ABHD3: variants seen among roughly 807,000 people sequenced by gnomAD.
ABHD3 encodes phospholipase ABHD3.
ABHD3 carries 46 observed loss-of-function variants against 48.8 expected under a neutral mutation model. That is an observed-to-expected ratio of 0.94 (90% CI 0.74 to 1.20). ABHD3 has a LOEUF of 1.20. Ranked by LOEUF, ABHD3 falls within the 50% of genes most tolerant of loss-of-function variation. The pLI is 0.00. For synonymous variants in ABHD3, 192 were observed against 183.7 expected (o/e 1.04, Z -0.36); for missense variants, 490 against 497.8 (o/e 0.98, Z 0.15).
Position 21,702,417 on chromosome 18 carries a change from G to C in ABHD3, c.408C>G (p.Ala136=), listed in dbSNP as rs1205776076. The C allele has an allele frequency of 6.8e-6, 11 of 1,613,942 alleles. No homozygotes were observed. Among genetic ancestry groups the C allele is most frequent in the African/African-American group, 1.3e-5 (1 of 75,028 alleles). ...ACAATAAGATAGTAGGTCTGGTGCT[G>C]GCATCCATATAACACGTACTGTTAT... ...DNDNSTCYMD[A]STRPTILLLP... is the part of the protein sequence containing the mutation. The change falls in exon 3 of 9, where the codon GCC becomes GCG. Residue 136 remains alanine, a synonymous_variant. Coordinates refer to ENST00000289119, the MANE Select transcript of ABHD3 (RefSeq NM_138340.5).
At chr18:21,682,431 G>A (rs533159216) in intron 4 of ABHD3, 1 of 152,302 alleles carries the variant, frequency 6.6e-6, no homozygotes, top group African/African-American at 2.4e-5. Context: ...ACCTCCCCCA[G>A]GCGCTTTGTT....
intron 3 of ABHD3, 133 bp from the exon 4 acceptor site, chr18:21,684,098 T>G: frequency 1.4e-6 from 1 of 731,658 alleles, no homozygotes; most frequent in Non-Finnish European, 2.1e-6. Flanking sequence ...GTTGTAATGT[T>G]TGGCAATTTC....
intron 8 of ABHD3, among the ~76,000 whole-genome samples, chr18:21,652,505 G>T (rs762034848): frequency 3.3e-5 from 5 of 152,166 alleles, no homozygotes; most frequent in Non-Finnish European, 7.4e-5. Context: ...GGCCAGGTGT[G>T]GTGGCTCATG....
chr18:21,670,130 G>A (rs1361145033), intron 4 of ABHD3, among the ~76,000 whole-genome samples: 1 of 152,156 alleles, frequency 6.6e-6, no homozygotes, highest in East Asian at 1.9e-4. Context: ...TTTAGCCACT[G>A]GTTGAAGCCT....
chr18:21,657,188 T>C, intron 6 of ABHD3, 36 bp from the exon 7 acceptor site: 2 of 1,564,044 alleles, frequency 1.3e-6, no homozygotes, highest in Non-Finnish European at 1.7e-6. Flanking sequence ...AAAATCAAGA[T>C]CATTCCTACT....
intron 4 of ABHD3, among the ~76,000 whole-genome samples, chr18:21,671,672 C>G (rs2039760448): frequency 6.6e-6 from 1 of 152,166 alleles, no homozygotes; most frequent in Non-Finnish European, 1.5e-5. Context: ...AAAGATATAT[C>G]ACTTCCAGCA....
chr18:21,656,921 A>G lies in ABHD3; in HGVS notation c.997T>C (p.Ser333Pro). ...TDASPSPRLK[S>P]VGIPVLCLNS... ...AGACACAATACTGGAATTCCTACTGACTTCAGTCTAGGACTCGGACTGGCA... is the reference window on the plus strand; with the variant it reads ...AGACACAATACTGGAATTCCTACTGGCTTCAGTCTAGGACTCGGACTGGCA... The change falls in exon 8 of 9, where the codon TCA (serine) becomes CCA (proline). Residue 333 changes from serine (S) to proline (P), a missense_variant. Ser to Pro is a moderately conservative substitution (Grantham distance 74). Coordinates refer to ENST00000289119, the MANE Select transcript of ABHD3 (RefSeq NM_138340.5). 6.2e-7 allele frequency: 1 copy of G among 1,613,800 alleles called. No individual in the cohort carries two copies. The highest frequency in any genetic ancestry group is 8.5e-7 in the Non-Finnish European group (1 of 1,179,778).
At chr18:21,690,140 T>C (rs2040215421) in intron 3 of ABHD3, among the ~76,000 whole-genome samples, 1 of 149,602 alleles carries the variant, frequency 6.7e-6, no homozygotes, top group Admixed American at 6.7e-5. Flanking sequence ...AAAAAGAAAA[T>C]CTCAGCATAA....
At position 21,690,367 on chromosome 18, in the gene ABHD3, C is replaced by T. The variant is rs992680364; in HGVS notation, c.510-6402G>A. Among the ~76,000 whole-genome samples, 7 of 152,080 alleles carry T rather than the reference C, an allele frequency of 4.6e-5. 1 individual carries two copies. In the East Asian group the frequency reaches 7.7e-4, roughly 17 times the overall value. On this transcript the variant is annotated intron_variant, in intron 3 of 8. Coordinates refer to ENST00000289119, the MANE Select transcript of ABHD3 (RefSeq NM_138340.5). Reference sequence around the variant, plus strand: ...CTGTAATTACAGCACTTCGGGAGGCCGGGGCAGGCAAATCACTTGAGGTCA... The same window carrying T: ...CTGTAATTACAGCACTTCGGGAGGCTGGGGCAGGCAAATCACTTGAGGTCA...
At chr18:21,671,528 AAC>A (rs2039757194) in intron 4 of ABHD3, among the ~76,000 whole-genome samples, 1 of 152,136 alleles carries the variant, frequency 6.6e-6, no homozygotes, top group Non-Finnish European at 1.5e-5. Flanking sequence ...CTAGTAATGC[AAC>A]TGGCAGCTAT....
intron 8 of ABHD3, among the ~76,000 whole-genome samples, chr18:21,655,620 G>A (rs1423235188): frequency 6.6e-6 from 1 of 151,746 alleles, no homozygotes; most frequent in East Asian, 1.9e-4. Context: ...CAGGCGGATC[G>A]CCTGAGGTCA....
chr18:21,665,471 T>C (rs2959517), intron 4 of ABHD3, among the ~76,000 whole-genome samples: 77,577 of 151,616 alleles, frequency 0.51, 23,045 homozygotes, highest in African/African-American at 0.83. Flanking sequence ...AATTCCTGAG[T>C]TTAAGTAATC....
At position 21,696,454 on chromosome 18, in the gene ABHD3, C is replaced by G. The variant is rs562009061; in HGVS notation, c.509+5862G>C. On this transcript the variant is annotated intron_variant, in intron 3 of 8. Transcript: ENST00000289119. ...GTGAGCCACCGTGCCTGGCCTTTCTCCTTGTTTTTGTTGTAGTACTGGAAA... is the reference window on the plus strand; with the variant it reads ...GTGAGCCACCGTGCCTGGCCTTTCTGCTTGTTTTTGTTGTAGTACTGGAAA... Among the ~76,000 whole-genome samples the G allele has an allele frequency of 2.6e-5, 4 of 152,022 alleles. No homozygotes were observed. In the East Asian group the frequency reaches 7.8e-4, roughly 30 times the overall value.
rs150228433 is a variant in ABHD3 at position 21,677,945 on chromosome 18, G to A, written c.555+5975C>T. On this transcript the variant is annotated intron_variant, in intron 4 of 8. Transcript: ENST00000289119. ...CCCAAAGTGCTGGGATTACAGGTATGAGCCACCGTGCCCAACCTATTTTTA... is the reference window on the plus strand; with the variant it reads ...CCCAAAGTGCTGGGATTACAGGTATAAGCCACCGTGCCCAACCTATTTTTA... Among the ~76,000 whole-genome samples, 350 of 152,076 alleles carry A rather than the reference G, an allele frequency of 2.3e-3. 1 individual carries two copies. The highest frequency in any genetic ancestry group is 8.0e-3 in the African/African-American group (331 of 41,474).
At chr18:21,670,988 T>G (rs541479632) in intron 4 of ABHD3, among the ~76,000 whole-genome samples, 1 of 152,280 alleles carries the variant, frequency 6.6e-6, no homozygotes, top group African/African-American at 2.4e-5. Flanking sequence ...TACTCCAGCC[T>G]GGGTGACAGA....
intron 3 of ABHD3, among the ~76,000 whole-genome samples, chr18:21,697,480 A>G (rs1027602083): frequency 6.6e-6 from 1 of 152,154 alleles, no homozygotes; most frequent in Admixed American, 6.5e-5. Flanking sequence ...CCCGAGTTCA[A>G]GCGATTCTCC....
intron 2 of ABHD3, among the ~76,000 whole-genome samples, chr18:21,703,229 C>CA (rs2040555325): frequency 7.6e-6 from 1 of 131,546 alleles, no homozygotes; most frequent in African/African-American, 2.8e-5. Flanking sequence ...CCCCCCCCCC[C>CA]AGTATCTGCT....
At chr18:21,683,292 A>G (rs1250944340) in intron 4 of ABHD3, among the ~76,000 whole-genome samples, 1 of 152,206 alleles carries the variant, frequency 6.6e-6, no homozygotes. Flanking sequence ...GAGGTGAAAG[A>G]TCTATCCTAG....
intron 5 of ABHD3, chr18:21,663,588 T>C: frequency 1.6e-6 from 2 of 1,275,826 alleles, no homozygotes; most frequent in Non-Finnish European, 2.2e-6. Context: ...ACAGCTGGAG[T>C]AGGGGGTTAA....
Sources: gnomAD v4.1 joint callset for allele counts (sites outside exome capture counted in the v4.1 genomes callset) on GRCh38, gnomAD v4.1.1 for gene constraint, MANE v1.5 for transcripts, NCBI Gene and HGNC (gene_info 2026-07-23, HGNC 2026-07-21) for gene names.